LST1: variants seen among roughly 807,000 people sequenced by gnomAD.
LST1 encodes the protein leukocyte specific transcript 1.
A neutral mutation model predicts 8.5 loss-of-function variants in LST1; 9 were observed. The ratio of observed to expected loss-of-function variants is 1.06; its 90% CI spans 0.64 to 1.85. LST1 has a LOEUF of 1.85. Among genes scored for constraint, LST1 ranks in the 40% most tolerant of loss-of-function variants. The pLI, the probability that LST1 is intolerant of heterozygous loss-of-function variation, is 0.00. For missense variants in LST1, 121 were observed against 117.1 expected, an observed-to-expected ratio of 1.03 and a Z score of -0.16; for synonymous variants, 53 against 50.4, an observed-to-expected ratio of 1.05 and a Z score of -0.21.
At position 31,588,743 on chromosome 6, in the gene LST1, A is replaced by G. The variant is rs748106275; in HGVS notation, c.*67A>G. The G allele has an allele frequency of 1.3e-6, 2 of 1,558,108 alleles. No homozygotes were observed. Among genetic ancestry groups the G allele is most frequent in the Non-Finnish European group, 8.8e-7 (1 of 1,130,224 alleles). On this transcript the variant is annotated 3_prime_UTR_variant, in exon 5 of 5. Coordinates refer to ENST00000438075, the MANE Select transcript of LST1 (RefSeq NM_205839.3). ...TCCCCCTGTGGTCCAGCCAGTAAAA[A>G]CCATGGTCCCCCCACTTCTGTGTCT...
intron 2 of LST1, 71 bp downstream of exon 2, chr6:31,587,389 T>C (rs747830128): frequency 7.1e-6 from 11 of 1,551,966 alleles, no homozygotes; most frequent in Admixed American, 3.3e-5. Context: ...GGAACAGTGA[T>C]GTATGCAGCT....
In LST1 at chr6:31,587,623, G is replaced by A. The variant is rs777330524; in HGVS notation, c.20-18G>A. On this transcript the variant is annotated intron_variant, in intron 2 of 4. Coordinates refer to ENST00000438075, the MANE Select transcript of LST1 (RefSeq NM_205839.3). Reference sequence around the variant, plus strand: ...GAGAAGGAATGGGCTTCCTAACCTTGAGCCCTCTTCCCTGAAGATATATGT... The same window carrying A: ...GAGAAGGAATGGGCTTCCTAACCTTAAGCCCTCTTCCCTGAAGATATATGT... 5 of 1,508,880 alleles carry A rather than the reference G, an allele frequency of 3.3e-6. No individual in the cohort carries two copies. Among genetic ancestry groups the A allele is most frequent in the Non-Finnish European group, 4.5e-6 (5 of 1,100,190 alleles). 93.5% of individuals were successfully genotyped at this position (1,508,880 alleles called of 1,614,324 possible).
intron 4 of LST1, chr6:31,588,245 T>C (rs907023239): frequency 2.4e-5 from 14 of 581,434 alleles, no homozygotes; most frequent in Non-Finnish European, 3.6e-5. Flanking sequence ...AGAGAGAGGC[T>C]CCAGAACCAG....
In LST1 at chr6:31,588,734, C is replaced by T; in HGVS notation, c.*58C>T. The T allele has an allele frequency of 6.3e-7, 1 of 1,582,584 alleles. No individual in the cohort carries two copies. Among genetic ancestry groups the T allele is most frequent in the Non-Finnish European group, 8.7e-7 (1 of 1,152,240 alleles). On this transcript the variant is annotated 3_prime_UTR_variant, in exon 5 of 5. Coordinates refer to ENST00000438075, the MANE Select transcript of LST1 (RefSeq NM_205839.3). ...TGGACAGGGTCCCCCTGTGGTCCAG[C>T]CAGTAAAAACCATGGTCCCCCCACT...
chr6:31,587,053 G>C, intron 1 of LST1, 147 bp from the exon 2 acceptor site: 1 of 587,926 alleles, frequency 1.7e-6, no homozygotes, highest in Non-Finnish European at 3.0e-6. Flanking sequence ...CTTGAATCTC[G>C]GGTCTTTACT....
At chr6:31,587,550 G>C in intron 2 of LST1, 91 bp from the exon 3 acceptor site, 1 of 851,212 alleles carries the variant, frequency 1.2e-6, no homozygotes, top group Non-Finnish European at 1.9e-6. Context: ...AACTGTTGGA[G>C]AGGGAATCTG....
chr6:31,587,411 G>A lies in LST1; in HGVS notation c.19+93G>A, dbSNP rs1772042487. 4.9e-6 allele frequency: 7 copies of A among 1,436,630 alleles called. No homozygotes were observed. In the South Asian group the frequency reaches 6.9e-5, roughly 14 times the overall value. 89.0% of individuals were successfully genotyped at this position (1,436,630 alleles called of 1,614,324 possible). A position where few individuals can be genotyped will look rare whatever the true frequency, so the allele number is the denominator to read the frequency against. ...TGATGTATGCAGCTCATGACTAGGTGGACAGGCCTCTGGGGACAGCTGGTA... is the reference window on the plus strand; with the variant it reads ...TGATGTATGCAGCTCATGACTAGGTAGACAGGCCTCTGGGGACAGCTGGTA... On this transcript the variant is annotated intron_variant, in intron 2 of 4. Transcript: ENST00000438075.
In LST1 at chr6:31,587,237, T is replaced by C. The variant is rs1299463094; in HGVS notation, c.-63T>C. ...AGGCAAGTCACCAGCCCCTGATCAT[T>C]TCGCCTAAAAGAGCAAGGACTAGAG... On this transcript the variant is annotated 5_prime_UTR_variant, in exon 2 of 5. Coordinates refer to ENST00000438075, the MANE Select transcript of LST1 (RefSeq NM_205839.3). 3 of 1,110,846 alleles carry C rather than the reference T, an allele frequency of 2.7e-6. No individual in the cohort carries two copies. In the African/African-American group the frequency reaches 4.6e-5, roughly 17 times the overall value. 68.8% of individuals were successfully genotyped at this position (1,110,846 alleles called of 1,614,324 possible).
intron 2 of LST1, 116 bp downstream of exon 2, chr6:31,587,434 G>A: frequency 7.9e-7 from 1 of 1,266,348 alleles, no homozygotes; most frequent in Non-Finnish European, 1.2e-6. Flanking sequence ...GGGACAGCTG[G>A]TACAGGAGGG....
chr6:31,587,757 C>A, intron 3 of LST1, 24 bp downstream of exon 3: 1 of 1,544,128 alleles, frequency 6.5e-7, no homozygotes, highest in East Asian at 2.3e-5. Flanking sequence ...TCCCTCCCTC[C>A]CCCTGCAGCA....
chr6:31,588,396 GAGAGAGGGA>G, intron 4 of LST1, 113 bp from the exon 5 acceptor site: 1 of 953,814 alleles, frequency 1.0e-6, no homozygotes, highest in Non-Finnish European at 1.6e-6. Context: ...GAGAGAGAGA[GAGAGAGGGA>G]GAGAGAGAGA....
chr6:31,588,474 C>G, intron 4 of LST1, 44 bp from the exon 5 acceptor site: 1 of 1,553,948 alleles, frequency 6.4e-7, no homozygotes, highest in Non-Finnish European at 8.7e-7. Flanking sequence ...AGGGAAGGAT[C>G]TGACGGCATC....
At position 31,587,966 on chromosome 6, in the gene LST1, G is replaced by T. The variant is rs756763703; in HGVS notation, c.135G>T (p.Trp45Cys). The T allele has an allele frequency of 1.2e-6, 2 of 1,609,398 alleles. No homozygotes were observed. Among genetic ancestry groups the T allele is most frequent in the African/African-American group, 2.7e-5 (2 of 74,812 alleles). Residue 45 changes from tryptophan (W) to cysteine (C), a missense_variant and splice_region_variant, in exon 4 of 5, where the codon TGG becomes TGT. Transcript: ENST00000438075. Reference protein sequence around the residue: ...HRRVKRLERSWAQGSSEQELH... With the variant: ...HRRVKRLERSCAQGSSEQELH... ...CAGTAAAGAGGCTGGAGAGGAGCTG[G>T]GTGAGTCTGGGGACAGGGAAGGGGG...
At chr6:31,588,251 A>C in intron 4 of LST1, 1 of 596,284 alleles carries the variant, frequency 1.7e-6, no homozygotes, top group Non-Finnish European at 3.0e-6. Context: ...AGGCTCCAGA[A>C]CCAGGCACAG....
intron 3 of LST1, 39 bp from the exon 4 acceptor site, chr6:31,587,905 C>T: frequency 4.4e-6 from 7 of 1,599,906 alleles, no homozygotes; most frequent in Non-Finnish European, 5.1e-6. Flanking sequence ...GGGAGAAGCA[C>T]AAAGGGTGGG....
At position 31,588,062 on chromosome 6, in the gene LST1, G is replaced by A. The variant is rs564913464; in HGVS notation, c.135+96G>A. On this transcript the variant is annotated intron_variant, in intron 4 of 4. Coordinates refer to ENST00000438075, the MANE Select transcript of LST1 (RefSeq NM_205839.3). Reference sequence around the variant, plus strand: ...GAGCGCTGAGAGGAGGGTTGGGGACGGGAGACAAGGAGAGAGAAAGTAGGA... The same window carrying A: ...GAGCGCTGAGAGGAGGGTTGGGGACAGGAGACAAGGAGAGAGAAAGTAGGA... 1.4e-5 allele frequency: 18 copies of A among 1,301,398 alleles called. No individual in the cohort carries two copies. In the East Asian group the frequency reaches 2.4e-4, roughly 17 times the overall value. 80.6% of individuals were successfully genotyped at this position (1,301,398 alleles called of 1,614,324 possible).
intron 3 of LST1, 38 bp from the exon 4 acceptor site, chr6:31,587,906 A>C: frequency 1.2e-6 from 2 of 1,600,732 alleles, no homozygotes; most frequent in Non-Finnish European, 1.7e-6. Flanking sequence ...GGAGAAGCAC[A>C]AAGGGTGGGC....
At chr6:31,586,878 C>T in intron 1 of LST1, 1 of 188,492 alleles carries the variant, frequency 5.3e-6, no homozygotes, top group South Asian at 1.2e-4. Context: ...CCTTCCCCTC[C>T]ATCATCCCCT....
At chr6:31,587,025 GACCT>G (rs767282219) in intron 1 of LST1, 171 bp from the exon 2 acceptor site, 64 of 572,798 alleles carry the variant, frequency 1.1e-4, no homozygotes, top group Non-Finnish European at 1.9e-4. Context: ...TGGGATGGGT[GACCT>G]AGTAAAGTCC....
Sources: allele counts gnomAD v4.1 joint callset, GRCh38; gene constraint gnomAD v4.1.1; transcripts MANE v1.5; gene names NCBI Gene and HGNC (gene_info 2026-07-23, HGNC 2026-07-21).